Variants in EXOC6B observed in about 807,000 individuals in gnomAD.
EXOC6B encodes SEC15 homolog B.
EXOC6B carries 54 observed loss-of-function variants against 113.5 expected under a neutral mutation model. The ratio of observed to expected loss-of-function variants is 0.48; its 90% CI spans 0.38 to 0.60. The LOEUF (loss-of-function observed/expected upper bound fraction) is 0.60. EXOC6B is among the 20% of genes least tolerant of loss of function. EXOC6B has a pLI of 0.00. For missense variants in EXOC6B, 797 were observed against 977.5 expected (o/e 0.82, Z 2.46); for synonymous variants, 357 against 339.0 (o/e 1.05, Z -0.58).
chr2:72,521,070 G>A (rs1476126721), intron 8 of EXOC6B, among the ~76,000 whole-genome samples: 1 of 152,162 alleles, frequency 6.6e-6, no homozygotes, highest in Non-Finnish European at 1.5e-5. Context: ...AGTAAGAGAT[G>A]CGGCCTTTAA....
At chr2:72,180,628 G>T (rs1403040878) in intron 21 of EXOC6B, among the ~76,000 whole-genome samples, 1 of 152,124 alleles carries the variant, frequency 6.6e-6, no homozygotes, top group Admixed American at 6.5e-5. Context: ...AGAGAGGAGG[G>T]AAGGAACATG....
At chr2:72,376,111 A>G (rs935852295) in intron 19 of EXOC6B, among the ~76,000 whole-genome samples, 1 of 146,468 alleles carries the variant, frequency 6.8e-6, no homozygotes, top group Non-Finnish European at 1.5e-5. Flanking sequence ...AAGGTTCTAG[A>G]AAAAAAAAAT....
At chr2:72,575,281 TA>T (rs1467773738) in intron 7 of EXOC6B, among the ~76,000 whole-genome samples, 1 of 152,150 alleles carries the variant, frequency 6.6e-6, no homozygotes, top group Non-Finnish European at 1.5e-5. Flanking sequence ...GGAGTGAATT[TA>T]AAATTTGAAT....
At position 72,541,483 on chromosome 2, in the gene EXOC6B, T is replaced by C. The variant is rs554838833; in HGVS notation, c.915+17970A>G. Among the ~76,000 whole-genome samples the C allele has an allele frequency of 3.9e-5, 6 of 152,284 alleles. No individual in the cohort carries two copies. In the South Asian group the frequency reaches 8.3e-4, roughly 21 times the overall value. On this transcript the variant is annotated intron_variant, in intron 8 of 21. Coordinates refer to ENST00000272427, the MANE Select transcript of EXOC6B (RefSeq NM_015189.3). ...GTCTCTTGGTAATTAAGTGCATTCA[T>C]AGAGGTTATACAAAAGCCCTTCTCC...
chr2:72,388,054 T>C lies in EXOC6B; in HGVS notation c.1981-8184A>G, dbSNP rs77900904. Among the ~76,000 whole-genome samples, 731 of 152,220 alleles carry C rather than the reference T, an allele frequency of 4.8e-3. 9 individuals carry two copies. Among genetic ancestry groups the C allele is most frequent in the African/African-American group, 0.016 (672 of 41,542 alleles). On this transcript the variant is annotated intron_variant, in intron 18 of 21. Coordinates refer to ENST00000272427, the MANE Select transcript of EXOC6B (RefSeq NM_015189.3). ...TGAAGACATGTTTGGTTGTCACAAC[T>C]GGCAGGAGGTGGAAGGAGGGGAGAA...
chr2:72,764,173 A>G (rs1045469055), intron 1 of EXOC6B, among the ~76,000 whole-genome samples: 3 of 152,052 alleles, frequency 2.0e-5, no homozygotes. Flanking sequence ...ATTGATCAAA[A>G]ATTACCTCAT....
intron 15 of EXOC6B, among the ~76,000 whole-genome samples, chr2:72,494,273 TA>T (rs767446715): frequency 8.8e-4 from 134 of 152,182 alleles, no homozygotes; most frequent in Non-Finnish European, 1.6e-3. Flanking sequence ...TACAATAATA[TA>T]CCTAACATAC....
intron 5 of EXOC6B, 108 bp from the exon 6 acceptor site, chr2:72,718,415 A>G (rs1007954888): frequency 4.4e-6 from 3 of 680,170 alleles, no homozygotes; most frequent in Non-Finnish European, 7.2e-6. Context: ...TCCAGCATGA[A>G]GTTTTAATGA....
intron 18 of EXOC6B, among the ~76,000 whole-genome samples, chr2:72,396,382 T>C (rs1343110284): frequency 6.6e-6 from 1 of 152,100 alleles, no homozygotes; most frequent in Non-Finnish European, 1.5e-5. Flanking sequence ...TAAAAGGTAA[T>C]GAAACCAAAT....
chr2:72,647,348 C>A (rs750965845), intron 6 of EXOC6B, among the ~76,000 whole-genome samples: 1 of 152,170 alleles, frequency 6.6e-6, no homozygotes, highest in Non-Finnish European at 1.5e-5. Context: ...AATGGCCATA[C>A]TGCCCAAGGT....
chr2:72,769,539 C>T (rs1327366860), intron 1 of EXOC6B, among the ~76,000 whole-genome samples: 2 of 152,162 alleles, frequency 1.3e-5, no homozygotes, highest in Admixed American at 1.3e-4. Context: ...GGGCCAGGCC[C>T]AGTGGCTCAC....
intron 20 of EXOC6B, among the ~76,000 whole-genome samples, chr2:72,333,853 G>A (rs1404781486): frequency 1.3e-5 from 2 of 152,092 alleles, no homozygotes; most frequent in African/African-American, 2.4e-5. Flanking sequence ...CATCTACAAG[G>A]ATTCAGGGGT....
At chr2:72,377,492 T>C (rs140290362) in intron 19 of EXOC6B, among the ~76,000 whole-genome samples, 3 of 152,232 alleles carry the variant, frequency 2.0e-5, no homozygotes, top group African/African-American at 7.2e-5. Flanking sequence ...GAAAATGTAA[T>C]ATAAATAGAC....
intron 6 of EXOC6B, among the ~76,000 whole-genome samples, chr2:72,657,093 C>T (rs1220960646): frequency 1.3e-5 from 2 of 152,002 alleles, no homozygotes; most frequent in Admixed American, 1.3e-4. Context: ...TCAGGTGATC[C>T]GACCGCCTTG....
chr2:72,709,069 T>C (rs1679090967), intron 6 of EXOC6B, among the ~76,000 whole-genome samples: 1 of 151,450 alleles, frequency 6.6e-6, no homozygotes, highest in South Asian at 2.1e-4. Context: ...AAAAAAAAAC[T>C]ACTTTAGGGT....
At chr2:72,423,302 G>A (rs951568124) in intron 18 of EXOC6B, among the ~76,000 whole-genome samples, 2 of 151,456 alleles carry the variant, frequency 1.3e-5, no homozygotes, top group Non-Finnish European at 2.9e-5. Flanking sequence ...CTCCAGACGC[G>A]CCACCTTAAG....
At chr2:72,378,237 G>A (rs1691473184) in intron 19 of EXOC6B, among the ~76,000 whole-genome samples, 1 of 152,174 alleles carries the variant, frequency 6.6e-6, no homozygotes, top group South Asian at 2.1e-4. Context: ...GGTCTCTCCA[G>A]TGCTGATTAA....
intron 5 of EXOC6B, among the ~76,000 whole-genome samples, chr2:72,729,617 G>T (rs969851334): frequency 2.0e-5 from 3 of 151,700 alleles, no homozygotes; most frequent in Admixed American, 1.3e-4. Context: ...TAGAGATGGG[G>T]TTTCTCCATG....
chr2:72,794,223 A>G (rs905799710), intron 1 of EXOC6B, among the ~76,000 whole-genome samples: 2 of 152,162 alleles, frequency 1.3e-5, no homozygotes, highest in African/African-American at 2.4e-5. Context: ...CTTTTTCGAA[A>G]CCACTGTTTC....
Sources: allele counts gnomAD v4.1 joint callset (sites outside exome capture counted in the v4.1 genomes callset), GRCh38; gene constraint gnomAD v4.1.1; transcripts MANE v1.5; gene names NCBI Gene and HGNC (gene_info 2026-07-23, HGNC 2026-07-21).